Variants in MCU observed in about 807,000 individuals in gnomAD.
MCU encodes mitochondrial calcium uniporter.
Under a neutral mutation model 45.2 loss-of-function variants are expected in MCU, and 12 were observed. The observed-to-expected ratio is 0.27, with a 90% CI of 0.17 to 0.43. The LOEUF is 0.43. Ranked by LOEUF, MCU falls within the 20% of genes least tolerant of loss-of-function variation. The pLI is 1.00. For synonymous variants in MCU, 160 were observed against 165.1 expected, an observed-to-expected ratio of 0.97 and a Z score of 0.24; for missense variants, 324 against 436.7, an observed-to-expected ratio of 0.74 and a Z score of 2.30.
intron 1 of MCU, among the ~76,000 whole-genome samples, chr10:72,795,796 A>G (rs1050570823): frequency 3.3e-5 from 5 of 152,076 alleles, no homozygotes; most frequent in African/African-American, 1.2e-4. Context: ...TCAAGAGTTC[A>G]AGACCAGCCT....
chr10:72,853,484 G>A lies in MCU; in HGVS notation c.221-5693G>A, dbSNP rs533100427. On this transcript the variant is annotated intron_variant, in intron 2 of 7. Transcript: ENST00000373053. Reference sequence around the variant, plus strand: ...AGAGGGGGAAAAAAGCCCCTGAAATGTATGAAGAAAGCCTCAGTGACCTGT... The same window carrying A: ...AGAGGGGGAAAAAAGCCCCTGAAATATATGAAGAAAGCCTCAGTGACCTGT... 2.0e-4 allele frequency among the ~76,000 whole-genome samples: 31 copies of A among 152,272 alleles called. 1 individual carries two copies. In the South Asian group the frequency reaches 6.2e-3, roughly 31 times the overall value.
Position 72,791,362 on chromosome 10 carries a change from A to C in MCU, c.151-42997A>C, listed in dbSNP as rs73286761. On this transcript the variant is annotated intron_variant, in intron 1 of 7. Coordinates refer to ENST00000373053, the MANE Select transcript of MCU (RefSeq NM_138357.3). ...GTATAGACTGTAAACCGTATCCATT[A>C]GTATTCATTATTTCACTTCTTTTTG... 3.3e-3 allele frequency among the ~76,000 whole-genome samples: 508 copies of C among 152,290 alleles called. 5 individuals are homozygous for C. The highest frequency in any genetic ancestry group is 0.012 in the African/African-American group (495 of 41,546).
chr10:72,810,461 C>CTTTTTTTTTTTTT (rs751918414), intron 1 of MCU, among the ~76,000 whole-genome samples: 1 of 73,408 alleles, frequency 1.4e-5, no homozygotes, highest in African/African-American at 5.7e-5. Context: ...ATTATGTTGC[C>CTTTTTTTTTTTTT]TTTTTTTTTT....
Position 72,815,524 on chromosome 10 carries a change from A to G in MCU, c.151-18835A>G, listed in dbSNP as rs138205154. Among the ~76,000 whole-genome samples the G allele has an allele frequency of 5.5e-3, 842 of 152,352 alleles. 5 individuals are homozygous for G. The highest frequency in any genetic ancestry group is 0.019 in the African/African-American group (782 of 41,576). ...ACATGTAGGTAGTGGGATGGGGGAC[A>G]GAACTTGGGTTTACCTTAGCTTTCT... On this transcript the variant is annotated intron_variant, in intron 1 of 7. Transcript: ENST00000373053.
rs528660949 is a variant in MCU, at chr10:72,803,804, C to A, written c.151-30555C>A. On this transcript the variant is annotated intron_variant, in intron 1 of 7. Transcript: ENST00000373053. Reference sequence around the variant, plus strand: ...TTTCTGTAAATACTTCAATATATTTCTCTGACATGTAAGGGTAGCCACAAT... The same window carrying A: ...TTTCTGTAAATACTTCAATATATTTATCTGACATGTAAGGGTAGCCACAAT... 4.1e-4 allele frequency among the ~76,000 whole-genome samples: 62 copies of A among 151,136 alleles called. No homozygotes were observed. The Middle Eastern group carries it at 0.01, about 25-fold the overall frequency.
At chr10:72,875,025 A>G (rs2132891405) in intron 6 of MCU, among the ~76,000 whole-genome samples, 1 of 152,300 alleles carries the variant, frequency 6.6e-6, no homozygotes, top group Non-Finnish European at 1.5e-5. Flanking sequence ...CACATATTTA[A>G]TCTCAACCCT....
chr10:72,701,092 A>G (rs1305413671), intron 1 of MCU, among the ~76,000 whole-genome samples: 1 of 152,210 alleles, frequency 6.6e-6, no homozygotes, highest in African/African-American at 2.4e-5. Flanking sequence ...AGGATGTTTA[A>G]GAGCACTGTA....
intron 1 of MCU, among the ~76,000 whole-genome samples, chr10:72,718,876 G>T (rs1332164854): frequency 6.6e-6 from 1 of 152,184 alleles, no homozygotes; most frequent in Non-Finnish European, 1.5e-5. Flanking sequence ...AAAGAAGCCA[G>T]ACACTAACAG....
At chr10:72,698,826 C>T (rs922928642) in intron 1 of MCU, among the ~76,000 whole-genome samples, 1 of 151,636 alleles carries the variant, frequency 6.6e-6, no homozygotes, top group African/African-American at 2.4e-5. Context: ...TTTTTTGAGA[C>T]GAGGTCTTAC....
intron 1 of MCU, among the ~76,000 whole-genome samples, chr10:72,827,171 A>G (rs1453639030): frequency 6.6e-6 from 1 of 152,178 alleles, no homozygotes; most frequent in Non-Finnish European, 1.5e-5. Context: ...ATTCCCTTAC[A>G]TCTAAATCTG....
chr10:72,840,469 A>G (rs1366307256), intron 2 of MCU, among the ~76,000 whole-genome samples: 1 of 152,138 alleles, frequency 6.6e-6, no homozygotes, highest in African/African-American at 2.4e-5. Flanking sequence ...GGGAAAGGGG[A>G]CAAATGTTAT....
chr10:72,743,035 G>A (rs984676453), intron 1 of MCU, among the ~76,000 whole-genome samples: 4 of 146,978 alleles, frequency 2.7e-5, no homozygotes, highest in Non-Finnish European at 6.1e-5. Flanking sequence ...AGGGTGAGGG[G>A]GAGAGAGAGA....
intron 2 of MCU, among the ~76,000 whole-genome samples, chr10:72,855,434 T>G (rs1311469698): frequency 6.6e-6 from 1 of 151,378 alleles, no homozygotes; most frequent in East Asian, 1.9e-4. Flanking sequence ...AAAAAAAAAT[T>G]ATCCAGGCAC....
chr10:72,852,832 A>G (rs1845227733), intron 2 of MCU, among the ~76,000 whole-genome samples: 1 of 152,264 alleles, frequency 6.6e-6, no homozygotes, highest in South Asian at 2.1e-4. Flanking sequence ...AGACCAGGCT[A>G]GAACAACTTC....
At chr10:72,770,517 G>T (rs1276469077) in intron 1 of MCU, among the ~76,000 whole-genome samples, 2 of 151,582 alleles carry the variant, frequency 1.3e-5, no homozygotes, top group Non-Finnish European at 2.9e-5. Context: ...AATATTATAG[G>T]TATATATGTT....
At chr10:72,711,440 T>G (rs1203448235) in intron 1 of MCU, among the ~76,000 whole-genome samples, 1 of 151,784 alleles carries the variant, frequency 6.6e-6, no homozygotes, top group Non-Finnish European at 1.5e-5. Flanking sequence ...AGGCTAGTCT[T>G]GAACTCCTGA....
intron 2 of MCU, among the ~76,000 whole-genome samples, chr10:72,853,265 G>A (rs763518939): frequency 4.6e-5 from 7 of 152,070 alleles, no homozygotes; most frequent in Non-Finnish European, 8.8e-5. Flanking sequence ...TATGCTCATA[G>A]AGAAAAGGAA....
chr10:72,870,439 C>T lies in MCU; in HGVS notation c.658-938C>T, dbSNP rs935295333. 7.9e-5 allele frequency among the ~76,000 whole-genome samples: 12 copies of T among 152,068 alleles called. No homozygotes were observed. In the South Asian group the frequency reaches 8.3e-4, roughly 11 times the overall value. On this transcript the variant is annotated intron_variant, in intron 5 of 7. Coordinates refer to ENST00000373053, the MANE Select transcript of MCU (RefSeq NM_138357.3). The stretch of plus-strand genomic sequence containing the variant: ...GACTACAGGCGCCTGCCACCACGCC[C>T]GGCTAATTTTTTGTGTTTTTTTTTA...
intron 1 of MCU, among the ~76,000 whole-genome samples, chr10:72,801,937 T>C (rs549206983): frequency 1.3e-5 from 2 of 152,270 alleles, no homozygotes; most frequent in East Asian, 3.9e-4. Context: ...CCTCCCAAAG[T>C]GCTAGGATTA....
Sources: allele counts gnomAD v4.1 joint callset (sites outside exome capture counted in the v4.1 genomes callset), GRCh38; gene constraint gnomAD v4.1.1; transcripts MANE v1.5; gene names NCBI Gene and HGNC (gene_info 2026-07-23, HGNC 2026-07-21).